SGSM3: variants seen among roughly 807,000 people sequenced by gnomAD.
SGSM3 encodes RUN and SH3 containing 3.
In SGSM3, 96 loss-of-function variants were observed where a neutral mutation model predicts 100.5. The observed-to-expected ratio is 0.96, with a 90% CI of 0.81 to 1.13. The LOEUF (loss-of-function observed/expected upper bound fraction) is 1.13. Among genes scored for constraint, SGSM3 ranks in the 50% most tolerant of loss-of-function variants. The pLI is 0.00. For synonymous variants in SGSM3, 483 were observed against 422.8 expected (o/e 1.14, Z -1.75); for missense variants, 1,001 against 1,015.8 (o/e 0.99, Z 0.20).
At chr22:40,374,463 G>C (rs923936804) in intron 1 of SGSM3, among the ~76,000 whole-genome samples, 1 of 152,226 alleles carries the variant, frequency 6.6e-6, no homozygotes, top group Non-Finnish European at 1.5e-5. Context: ...GACAGATCTG[G>C]TAACTGAGCT....
Position 40,390,982 on chromosome 22 carries a change from T to G in SGSM3, c.-111-9714T>G, listed in dbSNP as rs2049281726. On this transcript the variant is annotated intron_variant, in intron 1 of 21. Transcript: ENST00000248929. Reference sequence around the variant, plus strand: ...ACCGGACATAGGACAGATACACATGTACATAAATTATAGTATCACATGAAA... The same window carrying G: ...ACCGGACATAGGACAGATACACATGGACATAAATTATAGTATCACATGAAA... 2.6e-5 allele frequency among the ~76,000 whole-genome samples: 4 copies of G among 152,318 alleles called. No individual in the cohort carries two copies. In the South Asian group the frequency reaches 8.3e-4, roughly 32 times the overall value.
chr22:40,386,969 C>G (rs1251055340), intron 1 of SGSM3, among the ~76,000 whole-genome samples: 1 of 152,074 alleles, frequency 6.6e-6, no homozygotes, highest in Non-Finnish European at 1.5e-5. Flanking sequence ...TGTCTTAAAT[C>G]TGGCTGGCTC....
chr22:40,376,776 GTTT>G (rs1157116542), intron 1 of SGSM3, among the ~76,000 whole-genome samples: 5 of 152,068 alleles, frequency 3.3e-5, no homozygotes, highest in Non-Finnish European at 1.5e-5. Flanking sequence ...CACCTTCATA[GTTT>G]TTTGTTTTTT....
chr22:40,406,760 C>A, intron 10 of SGSM3, 98 bp downstream of exon 10: 1 of 1,081,448 alleles, frequency 9.2e-7, no homozygotes, highest in Non-Finnish European at 1.4e-6. Flanking sequence ...AACAAACCAG[C>A]CCTTCCTGCT....
chr22:40,397,720 T>G (rs1305679768), intron 1 of SGSM3, among the ~76,000 whole-genome samples: 1 of 152,212 alleles, frequency 6.6e-6, no homozygotes, highest in Non-Finnish European at 1.5e-5. Context: ...TGCAGCTGTT[T>G]CAGCATGCCC....
rs2052346579 is a variant in SGSM3 at position 40,409,798 on chromosome 22, G to A, written c.*39G>A. ...AGCCCAACCTCGGGCCTGCGTCTGAGGTGGCCCAGGACCCCAAGCTGCAGA... is the reference window on the plus strand; with the variant it reads ...AGCCCAACCTCGGGCCTGCGTCTGAAGTGGCCCAGGACCCCAAGCTGCAGA... On this transcript the variant is annotated 3_prime_UTR_variant, in exon 22 of 22. Transcript: ENST00000248929. 1 of 1,589,384 alleles carries A rather than the reference G, an allele frequency of 6.3e-7. No homozygotes were observed. The highest frequency in any genetic ancestry group is 1.7e-5 in the Admixed American group (1 of 58,542).
At chr22:40,401,728 A>AGG in intron 3 of SGSM3, 53 bp downstream of exon 3, 1 of 1,494,666 alleles carries the variant, frequency 6.7e-7, no homozygotes, top group Non-Finnish European at 9.3e-7. Flanking sequence ...TGTGGTATGA[A>AGG]GGGGACCCAG....
At position 40,405,045 on chromosome 22, in the gene SGSM3, A is replaced by C; in HGVS notation, c.475-96A>C. The C allele has an allele frequency of 2.8e-6, 4 of 1,411,128 alleles. No homozygotes were observed. In the South Asian group the frequency reaches 6.4e-5, roughly 23 times the overall value. 87.4% of individuals were successfully genotyped at this position (1,411,128 alleles called of 1,614,324 possible). A position where few individuals can be genotyped will look rare whatever the true frequency, so the allele number is the denominator to read the frequency against. ...GTGACCTTGATCAGGAACACAAGGA[A>C]TCCCCATTTCTGGGGGAGAAGCCCG... On this transcript the variant is annotated intron_variant, in intron 6 of 21. Transcript: ENST00000248929.
chr22:40,402,006 G>T, intron 3 of SGSM3, 133 bp from the exon 4 acceptor site: 1 of 686,700 alleles, frequency 1.5e-6, no homozygotes, highest in Non-Finnish European at 2.6e-6. Flanking sequence ...GGCGGCTTTT[G>T]GAAGAGTAGC....
intron 1 of SGSM3, among the ~76,000 whole-genome samples, chr22:40,399,596 C>T (rs1173855016): frequency 1.3e-5 from 2 of 152,232 alleles, no homozygotes; most frequent in Non-Finnish European, 2.9e-5. Context: ...TGAATGATGA[C>T]ATGACATGCT....
In SGSM3 at chr22:40,405,269, C is replaced by A; in HGVS notation, c.603C>A (p.Cys201Ter). 1 of 1,515,652 alleles carries A rather than the reference C, an allele frequency of 6.6e-7. No individual in the cohort carries two copies. The highest frequency in any genetic ancestry group is 8.8e-7 in the Non-Finnish European group (1 of 1,130,340). 93.9% of individuals were successfully genotyped at this position (1,515,652 alleles called of 1,614,324 possible). A position where few individuals can be genotyped will look rare whatever the true frequency, so the allele number is the denominator to read the frequency against. The change falls in exon 7 of 22, where the codon TGC becomes TGA. Residue 201 changes from cysteine (C) to a stop codon, truncating the protein, a stop_gained. Transcript: ENST00000248929. LOFTEE classifies it high-confidence loss of function. ...LAWLYPEIGYCQGTGMVAACL... is the reference protein window; with the variant it reads ...LAWLYPEIGY ...GGCTCTACCCAGAGATCGGCTACTG[C>A]CAGGGCACCGGCATGGTGAGCACAG... is the stretch of plus-strand genomic sequence containing the variant.
rs935981409 is a variant in SGSM3 at position 40,370,618 on chromosome 22, G to A, written c.-182G>A. ...CACGCGTGCGCTTAGGCGCCGCTGA[G>A]CGCTGACTGGGTGCGAGTGGGGAAG... is the stretch of plus-strand genomic sequence containing the variant. On this transcript the variant is annotated 5_prime_UTR_variant, in exon 1 of 22. Coordinates refer to ENST00000248929, the MANE Select transcript of SGSM3 (RefSeq NM_015705.6). The A allele has an allele frequency of 3.9e-4, 59 of 152,652 alleles. No individual in the cohort carries two copies. Among genetic ancestry groups the A allele is most frequent in the Non-Finnish European group, 5.3e-4 (36 of 68,266 alleles). 9.5% of individuals were successfully genotyped at this position (152,652 alleles called of 1,614,324 possible).
At chr22:40,405,393 C>A (rs1411409129) in intron 7 of SGSM3, 109 bp downstream of exon 7, 1 of 1,155,934 alleles carries the variant, frequency 8.7e-7, no homozygotes. Flanking sequence ...TCCTCCAGGA[C>A]CCCTAACAAG....
At chr22:40,409,043 G>A (rs1253540158) in intron 19 of SGSM3, 25 bp downstream of exon 19, 5 of 1,554,826 alleles carry the variant, frequency 3.2e-6, no homozygotes, top group African/African-American at 1.4e-5. Flanking sequence ...GGGGTTGGAG[G>A]AGAGCCCTGG....
Position 40,406,127 on chromosome 22 carries a change from G to A in SGSM3, c.864G>A (p.Val288=). 1.2e-6 allele frequency: 2 copies of A among 1,614,126 alleles called. No homozygotes were observed. The highest frequency in any genetic ancestry group is 1.7e-6 in the Non-Finnish European group (2 of 1,180,034). Residue 288 remains valine, a synonymous_variant, in exon 9 of 22, where the codon GTG becomes GTA. Coordinates refer to ENST00000248929, the MANE Select transcript of SGSM3 (RefSeq NM_015705.6). ...GGTTCCTCACGGCCTTCGCCAGCGT[G>A]GTGGACATCAAGCTGCTCCTGCGCA... ...LHWFLTAFAS[V]VDIKLLLRIW... is the part of the protein sequence containing the mutation.
At chr22:40,375,149 CAT>C (rs1480523890) in intron 1 of SGSM3, among the ~76,000 whole-genome samples, 1 of 152,190 alleles carries the variant, frequency 6.6e-6, no homozygotes, top group Non-Finnish European at 1.5e-5. Flanking sequence ...CAGTGATAAA[CAT>C]ATTTCTGCTT....
At chr22:40,408,470 G>C in intron 16 of SGSM3, 41 bp downstream of exon 16, 2 of 1,607,532 alleles carry the variant, frequency 1.2e-6, no homozygotes, top group Non-Finnish European at 1.7e-6. Flanking sequence ...CCCTGCACCA[G>C]CCCTGCTGTG....
chr22:40,372,122 C>CTTTTTT (rs58396730), intron 1 of SGSM3, among the ~76,000 whole-genome samples: 5 of 65,210 alleles, frequency 7.7e-5, no homozygotes, highest in Admixed American at 2.4e-4. Flanking sequence ...TCCCCCCCCC[C>CTTTTTT]TTTTTTTTTT....
Position 40,410,127 on chromosome 22 carries a change from T to TGCAGCTAGG in SGSM3, c.*371_*379dup. The TGCAGCTAGG allele has an allele frequency of 8.8e-7, 1 of 1,137,220 alleles. No individual in the cohort carries two copies. The highest frequency in any genetic ancestry group is 1.1e-6 in the Non-Finnish European group (1 of 925,644). 70.4% of individuals were successfully genotyped at this position (1,137,220 alleles called of 1,614,324 possible). On this transcript the variant is annotated 3_prime_UTR_variant, in exon 22 of 22. Transcript: ENST00000248929. Reference sequence around the variant, plus strand: ...TGAGAAAGCACCTACCTGTCTTCTGTGCAGCTAGGGCTGCAGAGCTGTATT... The same window carrying TGCAGCTAGG: ...TGAGAAAGCACCTACCTGTCTTCTGTGCAGCTAGGGCAGCTAGGGCTGCAGAGCTGTATT...
Sources: allele counts gnomAD v4.1 joint callset (sites outside exome capture counted in the v4.1 genomes callset), GRCh38; gene constraint gnomAD v4.1.1; transcripts MANE v1.5; gene names NCBI Gene and HGNC (gene_info 2026-07-23, HGNC 2026-07-21).